The following GABRB3 variants were observed in gnomAD, a reference collection of about 807,000 sequenced individuals.
GABRB3 encodes the protein gamma-aminobutyric acid receptor subunit beta-3.
GABRB3 carries 14 observed loss-of-function variants against 52.1 expected under a neutral mutation model. The observed-to-expected ratio is 0.27, with a 90% CI of 0.18 to 0.42. GABRB3 has a LOEUF of 0.42. Among genes scored for constraint, GABRB3 ranks in the 10% least tolerant of loss-of-function variants. The pLI is 1.00. For missense variants in GABRB3, 307 were observed against 609.1 expected (o/e 0.50, Z 5.22); for synonymous variants, 260 against 232.3 (o/e 1.12, Z -1.08).
intron 3 of GABRB3, among the ~76,000 whole-genome samples, chr15:26,728,805 CA>C (rs1452280681): frequency 6.6e-6 from 1 of 152,174 alleles, no homozygotes; most frequent in Non-Finnish European, 1.5e-5. Context: ...CTAGATTTAT[CA>C]GCTCATATAC....
intron 4 of GABRB3, among the ~76,000 whole-genome samples, chr15:26,598,900 G>A (rs192318535): frequency 1.3e-5 from 2 of 152,308 alleles, no homozygotes; most frequent in Admixed American, 1.3e-4. Flanking sequence ...TGATTTGGTT[G>A]CCTTCAGAAA....
At position 26,772,741 on chromosome 15, in the gene GABRB3, TCA is replaced by T; in HGVS notation, c.110_111del (p.Val37GlufsTer58). 6.4e-7 allele frequency: 1 copy of T among 1,566,904 alleles called. No individual in the cohort carries two copies. The highest frequency in any genetic ancestry group is 1.4e-5 in the African/African-American group (1 of 70,990). On this transcript the variant is annotated frameshift_variant, in exon 2 of 9. Transcript: ENST00000311550. LOFTEE classifies it high-confidence loss of function. ...SVNDPGNMSF[V>X]KETVDKLLKG... Reference sequence around the variant, plus strand: ...TTCAACAGCTTGTCCACCGTCTCCTTCACAAAGGACATGTTCCCGGGATCGTT... The same window carrying T: ...TTCAACAGCTTGTCCACCGTCTCCTTCAAAGGACATGTTCCCGGGATCGTT...
At chr15:26,713,758 T>C (rs1241456902) in intron 3 of GABRB3, among the ~76,000 whole-genome samples, 3 of 152,182 alleles carry the variant, frequency 2.0e-5, no homozygotes, top group Admixed American at 2.0e-4. Context: ...CATGAGCTTA[T>C]GTGCAAGTGA....
At chr15:26,706,441 T>TC (rs1889106938) in intron 3 of GABRB3, among the ~76,000 whole-genome samples, 2 of 151,896 alleles carry the variant, frequency 1.3e-5, no homozygotes, top group African/African-American at 4.8e-5. Flanking sequence ...TTGAGGGGTT[T>TC]TTTTTTTCTG....
At chr15:26,627,163 G>A (rs955272034) in intron 3 of GABRB3, among the ~76,000 whole-genome samples, 3 of 151,782 alleles carry the variant, frequency 2.0e-5, no homozygotes, top group African/African-American at 4.8e-5. Flanking sequence ...GTGTCAACAC[G>A]TTTACAAAAC....
chr15:26,765,660 T>A (rs1264556846), intron 3 of GABRB3, among the ~76,000 whole-genome samples: 1 of 152,166 alleles, frequency 6.6e-6, no homozygotes, highest in Non-Finnish European at 1.5e-5. Context: ...GAACGGCTCA[T>A]AGAAACAGCC....
intron 3 of GABRB3, among the ~76,000 whole-genome samples, chr15:26,671,591 G>C (rs1360137636): frequency 2.0e-5 from 3 of 152,202 alleles, no homozygotes; most frequent in Non-Finnish European, 4.4e-5. Context: ...CTTTATAAAT[G>C]CTGGGGGTGC....
chr15:26,743,788 C>T (rs987005162), intron 3 of GABRB3, among the ~76,000 whole-genome samples: 4 of 152,182 alleles, frequency 2.6e-5, no homozygotes, highest in African/African-American at 7.2e-5. Context: ...TGCATTCCTA[C>T]CAAGCAACTG....
intron 4 of GABRB3, chr15:26,614,411 A>G (rs1440862560): frequency 6.6e-6 from 1 of 152,212 alleles, no homozygotes; most frequent in Non-Finnish European, 1.5e-5. Flanking sequence ...TGAGAGATGA[A>G]GAAAATGGAT....
chr15:26,549,266 G>A (rs1189128980), intron 8 of GABRB3, among the ~76,000 whole-genome samples: 2 of 152,216 alleles, frequency 1.3e-5, no homozygotes, highest in African/African-American at 4.8e-5. Context: ...AGGAGGTGAG[G>A]TGGTGAGAGG....
At chr15:26,763,804 A>G (rs570946704) in intron 3 of GABRB3, among the ~76,000 whole-genome samples, 1 of 152,266 alleles carries the variant, frequency 6.6e-6, no homozygotes, top group African/African-American at 2.4e-5. Context: ...GGGTTATATC[A>G]TTTTAAGCTA....
chr15:26,582,568 C>A (rs1473499650), intron 5 of GABRB3, among the ~76,000 whole-genome samples: 2 of 148,846 alleles, frequency 1.3e-5, no homozygotes, highest in African/African-American at 5.0e-5. Context: ...ATGGGGCCAG[C>A]CTCACCCAGG....
intron 3 of GABRB3, chr15:26,628,837 G>C: frequency 1.2e-6 from 1 of 861,326 alleles, no homozygotes; most frequent in Non-Finnish European, 1.8e-6. Context: ...ACGAAAGGGG[G>C]CCAGCAGAGG....
chr15:26,665,424 T>G (rs1887679002), intron 3 of GABRB3, among the ~76,000 whole-genome samples: 1 of 152,272 alleles, frequency 6.6e-6, no homozygotes, highest in South Asian at 2.1e-4. Context: ...TAAGGCTGGA[T>G]GTAAACATAA....
intron 4 of GABRB3, among the ~76,000 whole-genome samples, chr15:26,603,818 A>C (rs1045955564): frequency 1.3e-5 from 2 of 152,146 alleles, no homozygotes; most frequent in African/African-American, 4.8e-5. Context: ...AGTTAGTATC[A>C]TACTGAATGG....
rs558336153 is a variant in GABRB3, at chr15:26,586,704, A to AAAAAGAG, written c.462-3291_462-3290insCTCTTTT. Among the ~76,000 whole-genome samples, 76 of 102,306 alleles carry AAAAAGAG rather than the reference A, an allele frequency of 7.4e-4. 1 individual carries two copies. Among genetic ancestry groups the AAAAAGAG allele is most frequent in the Non-Finnish European group, 1.3e-3 (69 of 51,218 alleles). 67.1% of individuals were successfully genotyped at this position (102,306 alleles called of 152,430 possible). The stretch of plus-strand genomic sequence containing the variant: ...TCCATCTCAAAAAAAAAAAAAAAAA[A>AAAAAGAG]AGAGAGAGAGAGAAAGCGAAGAAGG... On this transcript the variant is annotated intron_variant, in intron 4 of 8. Coordinates refer to ENST00000311550, the MANE Select transcript of GABRB3 (RefSeq NM_000814.6).
At chr15:26,701,883 T>A (rs1434267591) in intron 3 of GABRB3, among the ~76,000 whole-genome samples, 1 of 152,218 alleles carries the variant, frequency 6.6e-6, no homozygotes, top group Non-Finnish European at 1.5e-5. Flanking sequence ...TAACTATACA[T>A]GGAGAGATCA....
At chr15:26,730,359 A>G (rs1266379325) in intron 3 of GABRB3, among the ~76,000 whole-genome samples, 3 of 146,278 alleles carry the variant, frequency 2.1e-5, no homozygotes, top group East Asian at 2.1e-4. Context: ...CGGAGCTTGC[A>G]GTGAGCCGAG....
intron 8 of GABRB3, among the ~76,000 whole-genome samples, chr15:26,549,186 C>T (rs1158145551): frequency 4.6e-5 from 7 of 152,272 alleles, no homozygotes; most frequent in South Asian, 2.1e-4. Context: ...AATTTATTGC[C>T]GTATTAATTT....
Sources: gnomAD v4.1 joint callset for allele counts (sites outside exome capture counted in the v4.1 genomes callset) on GRCh38, gnomAD v4.1.1 for gene constraint, MANE v1.5 for transcripts, NCBI Gene and HGNC (gene_info 2026-07-23, HGNC 2026-07-21) for gene names.